Variants in CPE observed in about 807,000 individuals in gnomAD.
The protein encoded by CPE is carbocypeptidase E.
Under a neutral mutation model 53.5 loss-of-function variants are expected in CPE, and 17 were observed. That is an observed-to-expected ratio of 0.32 (90% CI 0.22 to 0.48). The LOEUF is 0.48. CPE is among the 20% of genes least tolerant of loss of function. CPE has a pLI of 0.99. For synonymous variants in CPE, 226 were observed against 228.8 expected (o/e 0.99, Z 0.11); for missense variants, 524 against 614.7 (o/e 0.85, Z 1.56).
At chr4:165,460,922 A>G (rs1391394765) in intron 1 of CPE, among the ~76,000 whole-genome samples, 1 of 151,956 alleles carries the variant, frequency 6.6e-6, no homozygotes, top group Non-Finnish European at 1.5e-5. Context: ...AGTTAATCAA[A>G]TAACTACATT....
intron 1 of CPE, among the ~76,000 whole-genome samples, chr4:165,390,797 C>T (rs985446821): frequency 3.3e-5 from 5 of 152,132 alleles, no homozygotes; most frequent in Non-Finnish European, 5.9e-5. Context: ...ACATGAGAAA[C>T]TTCATTAGAA....
intron 1 of CPE, among the ~76,000 whole-genome samples, chr4:165,382,287 T>C (rs2126650135): frequency 6.6e-6 from 1 of 152,338 alleles, no homozygotes; most frequent in African/African-American, 2.4e-5. Flanking sequence ...TTTGTTGACA[T>C]TTACAAATTC....
At chr4:165,406,188 A>G in intron 1 of CPE, 1 of 698,906 alleles carries the variant, frequency 1.4e-6, no homozygotes, top group Non-Finnish European at 2.7e-6. Flanking sequence ...GGGAGAGTTA[A>G]TTTAAATAAC....
chr4:165,409,204 G>A (rs1730998380), intron 1 of CPE, among the ~76,000 whole-genome samples: 1 of 146,346 alleles, frequency 6.8e-6, no homozygotes, highest in South Asian at 2.1e-4. Flanking sequence ...TGGGAGTGAG[G>A]CTGGTTAAAA....
chr4:165,461,197 A>AAAAAGAAAAAG (rs1270987427), intron 1 of CPE, among the ~76,000 whole-genome samples: 108 of 141,274 alleles, frequency 7.6e-4, no homozygotes, highest in African/African-American at 2.8e-3. Context: ...AGAAAGAAAG[A>AAAAAGAAAAAG]AAAGAAAAGA....
chr4:165,491,629 TTACTC>T (rs986176322), intron 6 of CPE, among the ~76,000 whole-genome samples: 20 of 152,176 alleles, frequency 1.3e-4, no homozygotes, highest in African/African-American at 2.7e-4. Context: ...AAAAATATAT[TTACTC>T]TACTATACTG....
chr4:165,461,336 C>T (rs1014933352), intron 1 of CPE, among the ~76,000 whole-genome samples: 2 of 151,916 alleles, frequency 1.3e-5, no homozygotes, highest in African/African-American at 2.4e-5. Context: ...GGACGAGCCT[C>T]GTGGCTGAAA....
At chr4:165,453,913 A>G (rs60786866) in intron 1 of CPE, among the ~76,000 whole-genome samples, 2,666 of 152,288 alleles carry the variant, frequency 0.018, 73 homozygotes, top group African/African-American at 0.059. Context: ...CAGAGTTTCA[A>G]TATTTACAGA....
At chr4:165,407,406 CTT>C (rs879939668) in intron 1 of CPE, among the ~76,000 whole-genome samples, 6 of 143,320 alleles carry the variant, frequency 4.2e-5, no homozygotes, top group Non-Finnish European at 1.5e-5. Context: ...AACTTCCATT[CTT>C]TTTTTTTTTT....
chr4:165,428,716 G>A (rs1171120993), intron 1 of CPE, among the ~76,000 whole-genome samples: 1 of 152,088 alleles, frequency 6.6e-6, no homozygotes, highest in Non-Finnish European at 1.5e-5. Flanking sequence ...GCTCCTGGTG[G>A]GTGCCAGCAT....
chr4:165,488,511 G>T (rs1192030904), intron 6 of CPE, among the ~76,000 whole-genome samples: 1 of 152,152 alleles, frequency 6.6e-6, no homozygotes, highest in Non-Finnish European at 1.5e-5. Context: ...GCAGTGGAAA[G>T]ACCTAAGACT....
At chr4:165,464,638 T>A in intron 2 of CPE, 52 bp downstream of exon 2, 1 of 1,441,236 alleles carries the variant, frequency 6.9e-7, no homozygotes, top group Non-Finnish European at 9.4e-7. Flanking sequence ...TTCTGTATGT[T>A]TGTACATACA....
chr4:165,476,877 A>AG (rs1560893630), intron 3 of CPE, among the ~76,000 whole-genome samples: 1 of 152,086 alleles, frequency 6.6e-6, no homozygotes, highest in African/African-American at 2.4e-5. Flanking sequence ...TTCATGGGAG[A>AG]GGGGGAGCCA....
intron 1 of CPE, among the ~76,000 whole-genome samples, chr4:165,425,832 C>T (rs56141157): frequency 0.029 from 4,455 of 152,180 alleles, 212 homozygotes; most frequent in African/African-American, 0.093. Context: ...GTGGGTGCTC[C>T]TGACATCTGG....
At chr4:165,422,240 C>A (rs1731236288) in intron 1 of CPE, among the ~76,000 whole-genome samples, 1 of 151,968 alleles carries the variant, frequency 6.6e-6, no homozygotes, top group South Asian at 2.1e-4. Context: ...TCATCATTAT[C>A]ATTATCACTT....
chr4:165,468,359 C>A (rs1435092644), intron 3 of CPE, among the ~76,000 whole-genome samples: 1 of 152,122 alleles, frequency 6.6e-6, no homozygotes, highest in African/African-American at 2.4e-5. Context: ...GGCTTCCCTC[C>A]TTACCTGTAC....
At chr4:165,463,118 T>C (rs531396495) in intron 1 of CPE, among the ~76,000 whole-genome samples, 2 of 152,310 alleles carry the variant, frequency 1.3e-5, no homozygotes, top group East Asian at 1.9e-4. Flanking sequence ...ATGGAGAGTC[T>C]CACAAACAGG....
intron 6 of CPE, among the ~76,000 whole-genome samples, chr4:165,488,659 TA>T (rs376584710): frequency 6.6e-6 from 1 of 152,182 alleles, no homozygotes; most frequent in Non-Finnish European, 1.5e-5. Context: ...TAATTTGACA[TA>T]AAAAAGCTGT....
intron 1 of CPE, among the ~76,000 whole-genome samples, chr4:165,396,887 A>C (rs1730775087): frequency 8.5e-5 from 5 of 58,552 alleles, no homozygotes; most frequent in Non-Finnish European, 1.8e-4. Context: ...CTGTCGCCAC[A>C]AAAAAAAAAA....
Sources: gnomAD v4.1 joint callset for allele counts (sites outside exome capture counted in the v4.1 genomes callset) on GRCh38, gnomAD v4.1.1 for gene constraint, MANE v1.5 for transcripts, NCBI Gene and HGNC (gene_info 2026-07-23, HGNC 2026-07-21) for gene names.